The following B3GALT1 variants were observed in gnomAD, a reference collection of about 807,000 sequenced individuals.
B3GALT1 encodes beta-1,3-galactosyltransferase 1.
Under a neutral mutation model 23.2 loss-of-function variants are expected in B3GALT1, and 10 were observed. That is an observed-to-expected ratio of 0.43 (90% CI 0.27 to 0.73). The LOEUF is 0.73. Among genes scored for constraint, B3GALT1 ranks in the 30% least tolerant of loss-of-function variants. B3GALT1 has a pLI of 0.21. For missense variants in B3GALT1, 299 were observed against 405.4 expected (o/e 0.74, Z 2.25); for synonymous variants, 156 against 141.5 (o/e 1.10, Z -0.73).
chr2:167,322,366 A>G (rs1696827800), intron 1 of B3GALT1, among the ~76,000 whole-genome samples: 1 of 151,728 alleles, frequency 6.6e-6, no homozygotes, highest in Non-Finnish European at 1.5e-5. Flanking sequence ...GATAAAATTT[A>G]TAATTATTTT....
intron 2 of B3GALT1, among the ~76,000 whole-genome samples, chr2:167,584,740 C>G (rs183832745): frequency 6.6e-6 from 1 of 152,258 alleles, no homozygotes; most frequent in East Asian, 1.9e-4. Flanking sequence ...CAGGAAAACA[C>G]TTTTCTACCC....
chr2:167,421,799 A>T (rs892742931), intron 1 of B3GALT1, among the ~76,000 whole-genome samples: 5 of 152,232 alleles, frequency 3.3e-5, no homozygotes, highest in Non-Finnish European at 5.9e-5. Context: ...CTGAGGTATG[A>T]AATAAAAACA....
At chr2:167,344,254 C>T (rs1453696187) in intron 1 of B3GALT1, among the ~76,000 whole-genome samples, 1 of 152,082 alleles carries the variant, frequency 6.6e-6, no homozygotes, top group African/African-American at 2.4e-5. Context: ...TCAGAACAAA[C>T]TTTTATCTAC....
chr2:167,502,357 T>G (rs1004517639), intron 2 of B3GALT1, among the ~76,000 whole-genome samples: 2 of 152,184 alleles, frequency 1.3e-5, no homozygotes, highest in African/African-American at 4.8e-5. Context: ...TAGGGATATA[T>G]TCACTTGGAT....
At chr2:167,810,987 CAA>C (rs1382942813) in intron 3 of B3GALT1, among the ~76,000 whole-genome samples, 8 of 152,104 alleles carry the variant, frequency 5.3e-5, no homozygotes, top group Admixed American at 2.0e-4. Context: ...TTCAAGGCAA[CAA>C]AGAGTGGCAA....
At chr2:167,860,568 A>ATAACAGAAGTTATTCAGAGTCAATTT (rs1332085616) in intron 4 of B3GALT1, among the ~76,000 whole-genome samples, 1 of 152,218 alleles carries the variant, frequency 6.6e-6, no homozygotes, top group Non-Finnish European at 1.5e-5. Context: ...GAGTCAATTA[A>ATAACAGAAGTTATTCAGAGTCAATTT]TAACAGAAGT....
At chr2:167,557,197 G>T (rs1340933097) in intron 2 of B3GALT1, among the ~76,000 whole-genome samples, 1 of 151,780 alleles carries the variant, frequency 6.6e-6, no homozygotes, top group Non-Finnish European at 1.5e-5. Context: ...AAGTGACTTG[G>T]AGATGGGTTG....
intron 3 of B3GALT1, among the ~76,000 whole-genome samples, chr2:167,750,890 AT>A (rs1190514803): frequency 6.6e-6 from 1 of 152,044 alleles, no homozygotes; most frequent in African/African-American, 2.4e-5. Context: ...GCAGGAATCT[AT>A]TTAGGATCCA....
At chr2:167,339,090 C>T (rs1697106373) in intron 1 of B3GALT1, among the ~76,000 whole-genome samples, 1 of 152,090 alleles carries the variant, frequency 6.6e-6, no homozygotes. Flanking sequence ...TTTGCTCTAG[C>T]AATTCTCCTT....
At chr2:167,427,201 T>A (rs1698635247) in intron 1 of B3GALT1, among the ~76,000 whole-genome samples, 1 of 152,154 alleles carries the variant, frequency 6.6e-6, no homozygotes, top group South Asian at 2.1e-4. Flanking sequence ...ATAAGGAAAT[T>A]AGTACTCTGA....
rs73023846 is a variant in B3GALT1 at position 167,417,463 on chromosome 2, T to C, written c.-510-72714T>C. Among the ~76,000 whole-genome samples the C allele has an allele frequency of 6.1e-3, 923 of 152,260 alleles. 8 individuals are homozygous for C. The highest frequency in any genetic ancestry group is 0.021 in the African/African-American group (881 of 41,556). ...GCTCCGTAACTGTAAGAAATAATTT[T>C]TTGTTTGTTTTTCCTAATTACTCCT... On this transcript the variant is annotated intron_variant, in intron 1 of 4. Transcript: ENST00000392690.
chr2:167,559,161 C>A (rs1283396196), intron 2 of B3GALT1, among the ~76,000 whole-genome samples: 1 of 152,198 alleles, frequency 6.6e-6, no homozygotes, highest in African/African-American at 2.4e-5. Context: ...TGAAAATCCA[C>A]TGTTCTGCAG....
intron 1 of B3GALT1, among the ~76,000 whole-genome samples, chr2:167,308,472 A>G (rs914372623): frequency 6.6e-6 from 1 of 152,010 alleles, no homozygotes; most frequent in Admixed American, 6.6e-5. Flanking sequence ...ATGCTATTTT[A>G]TTATTTTCCA....
At chr2:167,641,661 G>C (rs907549587) in intron 2 of B3GALT1, among the ~76,000 whole-genome samples, 1 of 152,044 alleles carries the variant, frequency 6.6e-6, no homozygotes, top group African/African-American at 2.4e-5. Context: ...GTCTTTTCTT[G>C]GCTTGCCTTC....
chr2:167,845,117 C>A (rs1353643545), intron 4 of B3GALT1, among the ~76,000 whole-genome samples: 1 of 152,136 alleles, frequency 6.6e-6, no homozygotes, highest in African/African-American at 2.4e-5. Context: ...TGAGTTCAGA[C>A]ACGCCTCCCA....
At chr2:167,333,859 T>A (rs550011802) in intron 1 of B3GALT1, among the ~76,000 whole-genome samples, 1 of 152,254 alleles carries the variant, frequency 6.6e-6, no homozygotes, top group East Asian at 1.9e-4. Flanking sequence ...TAAAAAGGCT[T>A]AGAGAAAAAA....
intron 2 of B3GALT1, among the ~76,000 whole-genome samples, chr2:167,549,368 CAT>C (rs1470304399): frequency 6.6e-6 from 1 of 152,156 alleles, no homozygotes; most frequent in Non-Finnish European, 1.5e-5. Context: ...GCCTGCAGAA[CAT>C]ATGTCGACTT....
rs1290776620 is a variant in B3GALT1, at chr2:167,295,807, AACTTTT to A, written c.-511+2478_-511+2483del. Among the ~76,000 whole-genome samples, 16 of 150,092 alleles carry A rather than the reference AACTTTT, an allele frequency of 1.1e-4. 1 individual carries two copies. The East Asian group carries it at 3.1e-3, about 29-fold the overall frequency. On this transcript the variant is annotated intron_variant, in intron 1 of 4. Coordinates refer to ENST00000392690, the MANE Select transcript of B3GALT1 (RefSeq NM_020981.4). ...TGTGTGTGTGTGTGTGTGTGTATGG[AACTTTT>A]ACTTGGAGGAAATCTTTTTTTAGAT...
In B3GALT1 at chr2:167,871,637, G is replaced by A. The variant is rs1229058236; in HGVS notation, c.*1617G>A. The A allele has an allele frequency of 6.6e-6, 1 of 152,140 alleles. No individual in the cohort carries two copies. The highest frequency in any genetic ancestry group is 1.5e-5 in the Non-Finnish European group (1 of 68,016). The allele number at this position is 152,140 out of a possible 1,614,324, so 9.4% of individuals were successfully genotyped here. ...TTTCTTTGGGAAGGAACCTCTGGTT[G>A]GGGTATATTACAGTAAATGAAGCAT... On this transcript the variant is annotated 3_prime_UTR_variant, in exon 5 of 5. Coordinates refer to ENST00000392690, the MANE Select transcript of B3GALT1 (RefSeq NM_020981.4).
Sources: gnomAD v4.1 joint callset for allele counts (sites outside exome capture counted in the v4.1 genomes callset) on GRCh38, gnomAD v4.1.1 for gene constraint, MANE v1.5 for transcripts, NCBI Gene and HGNC (gene_info 2026-07-23, HGNC 2026-07-21) for gene names.